Variants in CEP350 observed in about 807,000 individuals in gnomAD.
CEP350 encodes the protein centrosome-associated protein 350.
CEP350 carries 126 observed loss-of-function variants against 331.8 expected under a neutral mutation model. The observed-to-expected ratio is 0.38, with a 90% CI of 0.33 to 0.44. The LOEUF (loss-of-function observed/expected upper bound fraction) is 0.44. CEP350 is among the 20% of genes least tolerant of loss of function. CEP350 has a pLI of 1.00. For missense variants in CEP350, 3,406 were observed against 3,634.6 expected (o/e 0.94, Z 1.62); for synonymous variants, 1,200 against 1,259.5 (o/e 0.95, Z 1.00).
chr1:180,051,967 C>A (rs1021239015), intron 22 of CEP350, among the ~76,000 whole-genome samples: 1 of 152,068 alleles, frequency 6.6e-6, no homozygotes. Context: ...GGAAGATACA[C>A]AAGAAAGGAA....
Position 180,093,792 on chromosome 1 carries a change from A to G in CEP350, c.7687A>G (p.Ile2563Val). 1 of 1,614,004 alleles carries G rather than the reference A, an allele frequency of 6.2e-7. No homozygotes were observed. Among genetic ancestry groups the G allele is most frequent in the Non-Finnish European group, 8.5e-7 (1 of 1,179,870 alleles). ...KHGIFAPPQKISHIPENFDDY... is the reference protein window; with the variant it reads ...KHGIFAPPQKVSHIPENFDDY... ...TGGTATTTTTGCTCCTCCTCAAAAA[A>G]TATCTCACATTCCAGAAAACTTTGA... is the stretch of plus-strand genomic sequence containing the variant. Residue 2563 changes from isoleucine to valine, a missense_variant, in exon 34 of 38, where the codon ATA becomes GTA. Physicochemically the swap from Ile to Val is conservative, Grantham distance 29. This residue lies in a region of CEP350 where 1,415 missense variants were observed against 1,512.3 expected (regional missense o/e 0.94). Coordinates refer to ENST00000367607, the MANE Select transcript of CEP350 (RefSeq NM_014810.5).
At chr1:179,967,421 T>C (rs990767025) in intron 1 of CEP350, among the ~76,000 whole-genome samples, 4 of 152,184 alleles carry the variant, frequency 2.6e-5, no homozygotes, top group Non-Finnish European at 5.9e-5. Flanking sequence ...TCATTTCTTT[T>C]CTTTTTTTGA....
chr1:179,978,335 T>C (rs1371784305), intron 1 of CEP350, among the ~76,000 whole-genome samples: 1 of 152,192 alleles, frequency 6.6e-6, no homozygotes, highest in Non-Finnish European at 1.5e-5. Context: ...AGTGATCAGA[T>C]CAGGGTGATT....
intron 8 of CEP350, among the ~76,000 whole-genome samples, chr1:180,009,248 G>T (rs1204325266): frequency 6.6e-6 from 1 of 152,216 alleles, no homozygotes; most frequent in Admixed American, 6.5e-5. Context: ...GGCCTCAAGC[G>T]ATCCGCCTGC....
intron 15 of CEP350, among the ~76,000 whole-genome samples, chr1:180,032,088 T>C (rs1041817538): frequency 3.9e-5 from 6 of 152,190 alleles, no homozygotes; most frequent in African/African-American, 1.2e-4. Flanking sequence ...TTGCGTACTG[T>C]TTTTTCTCTT....
intron 1 of CEP350, among the ~76,000 whole-genome samples, chr1:179,975,534 T>C (rs1443111117): frequency 6.7e-6 from 1 of 150,152 alleles, no homozygotes; most frequent in African/African-American, 2.5e-5. Context: ...ACATCTTAAT[T>C]TTTTTTTTTA....
At chr1:180,015,045 G>A (rs1202411820) in intron 10 of CEP350, among the ~76,000 whole-genome samples, 1 of 152,080 alleles carries the variant, frequency 6.6e-6, no homozygotes, top group Non-Finnish European at 1.5e-5. Flanking sequence ...TATTCATTAA[G>A]TGGAAGTGGA....
At chr1:180,042,446 C>T (rs1294944366) in intron 19 of CEP350, among the ~76,000 whole-genome samples, 1 of 152,080 alleles carries the variant, frequency 6.6e-6, no homozygotes, top group East Asian at 1.9e-4. Context: ...AAAGTTAGTA[C>T]TATTTGTAAA....
In CEP350 at chr1:180,040,183, A is replaced by G. The variant is rs564626950; in HGVS notation, c.4111-955A>G. 1.4e-4 allele frequency among the ~76,000 whole-genome samples: 21 copies of G among 149,666 alleles called. No individual in the cohort carries two copies. In the South Asian group the frequency reaches 1.5e-3, roughly 11 times the overall value. On this transcript the variant is annotated intron_variant, in intron 17 of 37. Coordinates refer to ENST00000367607, the MANE Select transcript of CEP350 (RefSeq NM_014810.5). ...TAAATAACAGTAGTGTTGTCCAGTCATTGTGACAGCAGAAACTCTGGACAT... is the reference window on the plus strand; with the variant it reads ...TAAATAACAGTAGTGTTGTCCAGTCGTTGTGACAGCAGAAACTCTGGACAT...
At chr1:179,962,878 T>G (rs1650737859) in intron 1 of CEP350, among the ~76,000 whole-genome samples, 1 of 152,206 alleles carries the variant, frequency 6.6e-6, no homozygotes, top group Admixed American at 6.5e-5. Flanking sequence ...CTAAGTTCTT[T>G]GAGAAATCCC....
chr1:180,035,698 T>C (rs572720394), intron 16 of CEP350, among the ~76,000 whole-genome samples: 2 of 152,234 alleles, frequency 1.3e-5, no homozygotes, highest in South Asian at 4.1e-4. Context: ...TTTCAAAGTG[T>C]TTTTTTCAGA....
chr1:179,973,703 C>T (rs1003876910), intron 1 of CEP350, among the ~76,000 whole-genome samples: 7 of 152,074 alleles, frequency 4.6e-5, no homozygotes, highest in Non-Finnish European at 1.0e-4. Context: ...CTGTTATCAG[C>T]GGGTCAAATT....
intron 27 of CEP350, among the ~76,000 whole-genome samples, chr1:180,072,967 C>CA (rs141617663): frequency 0.04 from 6,055 of 152,272 alleles, 143 homozygotes; most frequent in Middle Eastern, 0.14. Context: ...TCCATACACA[C>CA]ACGCACGGAT....
chr1:180,065,638 C>T (rs1185705670), intron 27 of CEP350, among the ~76,000 whole-genome samples: 1 of 151,480 alleles, frequency 6.6e-6, no homozygotes, highest in East Asian at 1.9e-4. Context: ...ATTAGCTGGG[C>T]ATGGTGCCAT....
intron 1 of CEP350, among the ~76,000 whole-genome samples, chr1:179,957,171 T>C (rs976039982): frequency 2.6e-5 from 4 of 152,168 alleles, no homozygotes; most frequent in African/African-American, 9.7e-5. Context: ...TCATCTTTAT[T>C]CTTTCAGTCA....
intron 3 of CEP350, among the ~76,000 whole-genome samples, chr1:179,988,683 T>A (rs562671421): frequency 1.0e-3 from 153 of 152,090 alleles, no homozygotes; most frequent in Middle Eastern, 3.4e-3. Context: ...TTTTTTTTTT[T>A]AATTTGCTCT....
At chr1:180,095,396 T>G in intron 34 of CEP350, 127 bp from the exon 35 acceptor site, 1 of 1,142,872 alleles carries the variant, frequency 8.7e-7, no homozygotes. Flanking sequence ...ACCATATTGT[T>G]TTTTATTCTG....
At chr1:180,065,043 G>T in intron 26 of CEP350, 72 bp from the exon 27 acceptor site, 1 of 1,400,808 alleles carries the variant, frequency 7.1e-7, no homozygotes, top group Non-Finnish European at 9.4e-7. Context: ...ACTTAATTTT[G>T]AATTGACAGT....
intron 7 of CEP350, among the ~76,000 whole-genome samples, chr1:180,005,433 T>C (rs1654192045): frequency 6.6e-6 from 1 of 152,056 alleles, no homozygotes; most frequent in South Asian, 2.1e-4. Context: ...GTATGTAATA[T>C]TGTCTGAAAT....
Sources: allele counts gnomAD v4.1 joint callset (sites outside exome capture counted in the v4.1 genomes callset), GRCh38; gene constraint gnomAD v4.1.1; regional missense constraint gnomAD v4.1.1; transcripts MANE v1.5; gene names NCBI Gene and HGNC (gene_info 2026-07-23, HGNC 2026-07-21).